Variants in ARAP3 observed in about 807,000 individuals in gnomAD.
ARAP3 encodes ArfGAP with RhoGAP domain, ankyrin repeat and PH domain 3, also known as arf-GAP with Rho-GAP domain, ANK repeat and PH domain-containing protein 3.
In ARAP3, 82 loss-of-function variants were observed where a neutral mutation model predicts 169.2. That is an observed-to-expected ratio of 0.48 (90% confidence interval 0.41 to 0.58). The LOEUF is 0.58. ARAP3 is among the 20% of genes least tolerant of loss of function. The pLI, the probability that ARAP3 is intolerant of heterozygous loss-of-function variation, is 0.00. For synonymous variants in ARAP3, 791 were observed against 800.3 expected (o/e 0.99, Z 0.20); for missense variants, 1,764 against 2,018.0 (o/e 0.87, Z 2.41).
At position 141,655,739 on chromosome 5, in the gene ARAP3, A is replaced by T; in HGVS notation, c.3992T>A (p.Val1331Glu). The change falls in exon 31 of 33, where the codon GTG (valine) becomes GAG (glutamate). Residue 1331 changes from valine (V) to glutamate (E), a missense_variant. By Grantham distance (121) the Val-to-Glu change is moderately radical. Around this residue, in one of 3 missense-constraint regions of ARAP3, gnomAD observed 1,112 missense variants for 1,285.7 expected, o/e 0.86. Transcript: ENST00000239440. Reference sequence around the variant, plus strand: ...AGAGGAGGAATGGCGTCGTAAGACCACTGGCTGCTGGTCATCGTGCTGGTG... The same window carrying T: ...AGAGGAGGAATGGCGTCGTAAGACCTCTGGCTGCTGGTCATCGTGCTGGTG... Reference protein sequence around the residue: ...LKAQHDDQQPVVLRRHSSSDL... With the variant: ...LKAQHDDQQPEVLRRHSSSDL... 1 of 1,614,164 alleles carries T rather than the reference A, an allele frequency of 6.2e-7. No individual in the cohort carries two copies. Among genetic ancestry groups the T allele is most frequent in the Non-Finnish European group, 8.5e-7 (1 of 1,180,018 alleles).
chr5:141,662,339 G>GT, intron 19 of ARAP3, 84 bp from the exon 20 acceptor site: 1 of 1,314,916 alleles, frequency 7.6e-7, no homozygotes, highest in South Asian at 1.3e-5. Flanking sequence ...TCCCTATGTG[G>GT]TATGTGGCTG....
rs1562421826 is a variant in ARAP3 at position 141,673,016 on chromosome 5, C to T, written c.1090G>A (p.Glu364Lys). ...QRVFVFRTES[E>K]AQRDMWCSTL... ...CTCAGGGGGCTGTGGCCCTCACCCT[C>T]GCTCTCTGTGCGGAACACGAACACC... is the stretch of plus-strand genomic sequence containing the variant. The change falls in exon 7 of 33, where the codon GAG becomes AAG. Residue 364 changes from glutamate to lysine, a missense_variant. This residue lies in a region of ARAP3 where 630 missense variants were observed against 678.7 expected (regional missense o/e 0.93). Coordinates refer to ENST00000239440, the MANE Select transcript of ARAP3 (RefSeq NM_022481.6). 2.5e-6 allele frequency: 4 copies of T among 1,614,216 alleles called. No individual in the cohort carries two copies. The highest frequency in any genetic ancestry group is 1.7e-5 in the Admixed American group (1 of 60,032).
rs2099909174 is a variant in ARAP3 at position 141,655,616 on chromosome 5, C to A, written c.4110+5G>T. Reference sequence around the variant, plus strand: ...ATCGGGTTGGGGCAGGGTGGGGTGCCTTACCAGGGTCTGATTGGCAGAGAG... The same window carrying A: ...ATCGGGTTGGGGCAGGGTGGGGTGCATTACCAGGGTCTGATTGGCAGAGAG... On this transcript the variant is annotated splice_donor_5th_base_variant and intron_variant, in intron 31 of 32. Transcript: ENST00000239440. 6.2e-7 allele frequency: 1 copy of A among 1,614,038 alleles called. No homozygotes were observed. The highest frequency in any genetic ancestry group is 8.5e-7 in the Non-Finnish European group (1 of 1,180,004).
intron 32 of ARAP3, among the ~76,000 whole-genome samples, chr5:141,654,877 T>C (rs957028167): frequency 1.3e-5 from 2 of 151,902 alleles, no homozygotes; most frequent in African/African-American, 4.8e-5. Flanking sequence ...GTAGCTGGGA[T>C]CACAGGCATG....
chr5:141,665,309 A>T lies in ARAP3; in HGVS notation c.2636+2T>A. 1 of 1,614,108 alleles carries T rather than the reference A, an allele frequency of 6.2e-7. No homozygotes were observed. Among genetic ancestry groups the T allele is most frequent in the African/African-American group, 1.3e-5 (1 of 75,038 alleles). Reference sequence around the variant, plus strand: ...CCCAGGTCAAGGGCAGGGGCAATTTACCTTCCTGTCTCCACCAGGACCAAA... The same window carrying T: ...CCCAGGTCAAGGGCAGGGGCAATTTTCCTTCCTGTCTCCACCAGGACCAAA... On this transcript the variant is annotated splice_donor_variant, in intron 18 of 32. Transcript: ENST00000239440. LOFTEE classifies it high-confidence loss of function.
Position 141,679,610 on chromosome 5 carries a change from C to T in ARAP3, c.633G>A (p.Val211=), listed in dbSNP as rs140579718. Residue 211 remains valine, a synonymous_variant, in exon 4 of 33, where the codon GTG becomes GTA. Transcript: ENST00000239440. ...PGCLYYGVQP[V]GTPGAPDRRE... is the part of the protein sequence containing the mutation. ...TTCTGTCGGGGGCTCCTGGAGTCCC[C>T]ACAGGTTGGACACCATAGTACAGGC... 83 of 1,614,034 alleles carry T rather than the reference C, an allele frequency of 5.1e-5. No individual in the cohort carries two copies. The highest frequency in any genetic ancestry group is 6.3e-5 in the Non-Finnish European group (74 of 1,180,030).
At chr5:141,666,881 C>T in intron 16 of ARAP3, 1 of 402,160 alleles carries the variant, frequency 2.5e-6, no homozygotes. Flanking sequence ...GTTTGCTCTC[C>T]CCAACATAAA....
chr5:141,680,377 C>G lies in ARAP3; in HGVS notation c.110G>C (p.Arg37Pro). The part of the protein sequence containing the change: ...RHGLATAGAA[R>P]GLGHEELKQL... ...CTTCAACTCCTCGTGGCCCAGGCCC[C>G]GGGCTGCACCTGCTGTAGCCAGGCC... Residue 37 changes from arginine (R) to proline (P), a missense_variant, in exon 2 of 33, where the codon CGG (arginine) becomes CCG (proline). By Grantham distance (103) the Arg-to-Pro change is moderately radical. Coordinates refer to ENST00000239440, the MANE Select transcript of ARAP3 (RefSeq NM_022481.6). 1.2e-6 allele frequency: 2 copies of G among 1,614,164 alleles called. No individual in the cohort carries two copies. Among genetic ancestry groups the G allele is most frequent in the Non-Finnish European group, 1.7e-6 (2 of 1,180,028 alleles).
rs147978083 is a variant in ARAP3, at chr5:141,666,478, G to A, written c.2518C>T (p.Pro840Ser). The change falls in exon 17 of 33, where the codon CCA (proline) becomes TCA (serine). Residue 840 changes from proline (P) to serine (S), a missense_variant. By Grantham distance (74) the Pro-to-Ser change is moderately conservative. This residue lies in a region of ARAP3 where 1,112 missense variants were observed against 1,285.7 expected (regional missense o/e 0.86). Coordinates refer to ENST00000239440, the MANE Select transcript of ARAP3 (RefSeq NM_022481.6). ...ATGTCCTCAGGGGCTGGGGGGCCTG[G>A]GCCCGGCGCTGAGCACAGGAAGAGG... ...DHLFLCSAPGPGPPAPEDMVH... is the reference protein window; with the variant it reads ...DHLFLCSAPGSGPPAPEDMVH... 122 of 1,597,846 alleles carry A rather than the reference G, an allele frequency of 7.6e-5. No homozygotes were observed. The African/African-American group carries it at 1.1e-3, about 15-fold the overall frequency.
chr5:141,670,435 T>C (rs2099911264), intron 14 of ARAP3, 77 bp downstream of exon 14: 6 of 1,441,804 alleles, frequency 4.2e-6, no homozygotes, highest in Non-Finnish European at 5.8e-6. Flanking sequence ...AGCCCTCTCC[T>C]CTTTGTCCCT....
chr5:141,672,226 A>G lies in ARAP3; in HGVS notation c.1461T>C (p.Ser487=), dbSNP rs766545390. 1 of 1,614,240 alleles carries G rather than the reference A, an allele frequency of 6.2e-7. No individual in the cohort carries two copies. The highest frequency in any genetic ancestry group is 1.1e-5 in the South Asian group (1 of 91,088). Residue 487 remains serine (S), a synonymous_variant, in exon 10 of 33, where the codon TCT becomes TCC. Transcript: ENST00000239440. This position sits in a 1 kb window ranked among gnomAD's most constrained non-coding sequence, Gnocchi z 4.9. Reference sequence around the variant, plus strand: ...AGATCTTCTCAGCCACCTCGTAGTCAGACAGGGTCTCGGTTACTGCTTCCT... The same window carrying G: ...AGATCTTCTCAGCCACCTCGTAGTCGGACAGGGTCTCGGTTACTGCTTCCT... ...ALQEAVTETL[S]DYEVAEKIWS...
chr5:141,667,788 T>C (rs1324083242), intron 16 of ARAP3, among the ~76,000 whole-genome samples: 1 of 147,540 alleles, frequency 6.8e-6, no homozygotes, highest in Non-Finnish European at 1.5e-5. Flanking sequence ...AAGCCTGTAA[T>C]CCCAGCACTT....
At position 141,672,971 on chromosome 5, in the gene ARAP3, C is replaced by T; in HGVS notation, c.1093+42G>A. ...GGTCAGTGGCTGTTGCTCACACAGC[C>T]TCCCTCCCTCCTGCCCTGACTCAGG... On this transcript the variant is annotated intron_variant, in intron 7 of 32. Transcript: ENST00000239440. This position sits in a 1 kb window ranked among gnomAD's most constrained non-coding sequence, Gnocchi z 4.9. 7 of 1,612,954 alleles carry T rather than the reference C, an allele frequency of 4.3e-6. No individual in the cohort carries two copies. Among genetic ancestry groups the T allele is most frequent in the Non-Finnish European group, 5.9e-6 (7 of 1,179,372 alleles).
chr5:141,672,219 C>T lies in ARAP3; in HGVS notation c.1468G>A (p.Glu490Lys), dbSNP rs2154599086. 5 of 1,614,234 alleles carry T rather than the reference C, an allele frequency of 3.1e-6. No individual in the cohort carries two copies. Among genetic ancestry groups the T allele is most frequent in the South Asian group, 1.1e-5 (1 of 91,090 alleles). The change falls in exon 10 of 33, where the codon GAG becomes AAG. Residue 490 changes from glutamate (E) to lysine (K), a missense_variant. This residue lies in a region of ARAP3 where 630 missense variants were observed against 678.7 expected (regional missense o/e 0.93). Transcript: ENST00000239440. The surrounding 1 kb of genome is among the most constrained non-coding windows in gnomAD (Gnocchi z 4.9). ...EAVTETLSDY[E>K]VAEKIWSNRA... ...TTAGACCAGATCTTCTCAGCCACCT[C>T]GTAGTCAGACAGGGTCTCGGTTACT...
At chr5:141,661,189 G>A (rs1366205288) in intron 21 of ARAP3, among the ~76,000 whole-genome samples, 1 of 151,404 alleles carries the variant, frequency 6.6e-6, no homozygotes, top group Non-Finnish European at 1.5e-5. Context: ...TCAGCCTCCT[G>A]AGTAGCTGAG....
chr5:141,680,984 C>T (rs1264386034), intron 1 of ARAP3, among the ~76,000 whole-genome samples: 2 of 152,154 alleles, frequency 1.3e-5, no homozygotes, highest in East Asian at 3.8e-4. Flanking sequence ...GGTGCAGACG[C>T]CCCCTCCCTC....
At position 141,669,717 on chromosome 5, in the gene ARAP3, C is replaced by T. The variant is rs145868343; in HGVS notation, c.2344G>A (p.Val782Met). 1.3e-4 allele frequency: 202 copies of T among 1,613,916 alleles called. No individual in the cohort carries two copies. The highest frequency in any genetic ancestry group is 1.6e-4 in the Non-Finnish European group (193 of 1,179,954). The change falls in exon 16 of 33, where the codon GTG (valine) becomes ATG (methionine). Residue 782 changes from valine (V) to methionine (M), a missense_variant. Around this residue, in one of 3 missense-constraint regions of ARAP3, gnomAD observed 1,112 missense variants for 1,285.7 expected, o/e 0.86. Transcript: ENST00000239440. Reference protein sequence around the residue: ...ADSLEAWTSAVGKWFSPLSCH... With the variant: ...ADSLEAWTSAMGKWFSPLSCH... ...GCGCTCTCCTGTCTCACCTTGCCCA[C>T]AGCACTAGTCCAGGCCTCCAGACTG...
chr5:141,653,762 G>T lies in ARAP3; in HGVS notation c.*188C>A. On this transcript the variant is annotated 3_prime_UTR_variant, in exon 33 of 33. Coordinates refer to ENST00000239440, the MANE Select transcript of ARAP3 (RefSeq NM_022481.6). ...CCTCATGGTATAGATAAATGGGCTG[G>T]GCCCAGAGAGGGGCCATGACCTGTC... 1 of 630,252 alleles carries T rather than the reference G, an allele frequency of 1.6e-6. No individual in the cohort carries two copies. The highest frequency in any genetic ancestry group is 2.4e-6 in the Non-Finnish European group (1 of 408,450). 39.0% of individuals were successfully genotyped at this position (630,252 alleles called of 1,614,324 possible).
At chr5:141,659,692 C>T in intron 22 of ARAP3, 87 bp downstream of exon 22, 1 of 1,537,874 alleles carries the variant, frequency 6.5e-7, no homozygotes, top group South Asian at 1.2e-5. Context: ...GGGCTGGGGG[C>T]TTGTTGGGGT....
Sources: allele counts gnomAD v4.1 joint callset (sites outside exome capture counted in the v4.1 genomes callset), GRCh38; gene constraint gnomAD v4.1.1; regional missense constraint gnomAD v4.1.1; non-coding constraint Gnocchi (gnomAD v3.1); transcripts MANE v1.5; gene names NCBI Gene and HGNC (gene_info 2026-07-23, HGNC 2026-07-21).